Variants in CFTR observed in about 807,000 individuals in gnomAD.
CFTR encodes the protein CF transmembrane conductance regulator, also known as cystic fibrosis transmembrane conductance regulator.
In CFTR, 181 loss-of-function variants were observed where a neutral mutation model predicts 171.6. That is an observed-to-expected ratio of 1.05 (90% confidence interval 0.93 to 1.19). The LOEUF is 1.19. Among genes scored for constraint, CFTR ranks in the 50% most tolerant of loss-of-function variants. CFTR has a pLI of 0.00. For synonymous variants in CFTR, 583 were observed against 608.0 expected, an observed-to-expected ratio of 0.96 and a Z score of 0.60; for missense variants, 1,968 against 1,734.7, an observed-to-expected ratio of 1.13 and a Z score of -2.39.
chr7:117,534,263 ATTTTTC>A lies in CFTR; in HGVS notation c.490-8_490-3del. 7.4e-7 allele frequency: 1 copy of A among 1,348,060 alleles called. No homozygotes were observed. Among genetic ancestry groups the A allele is most frequent in the Admixed American group, 1.7e-5 (1 of 59,454 alleles). 83.5% of individuals were successfully genotyped at this position (1,348,060 alleles called of 1,614,324 possible). On this transcript the variant is annotated splice_region_variant and splice_polypyrimidine_tract_variant and intron_variant, in intron 4 of 26. Coordinates refer to ENST00000003084, the MANE Select transcript of CFTR (RefSeq NM_000492.4). ...GTTTGTTGAAATTATCTAACTTTCC[ATTTTTC>A]TTTTAGACTTTAAAGCTGTCAAGCC...
chr7:117,525,868 T>C, intron 3 of CFTR, among the ~76,000 whole-genome samples: 1 of 150,282 alleles, frequency 6.7e-6, no homozygotes. Context: ...AATTGGAGCA[T>C]TTAGTCCATT....
rs200204024 is a variant in CFTR, at chr7:117,592,117, C to A, written c.1950C>A (p.Phe650Leu). 14 of 1,613,968 alleles carry A rather than the reference C, an allele frequency of 8.7e-6. No individual in the cohort carries two copies. In the East Asian group the frequency reaches 3.1e-4, roughly 36 times the overall value. The part of the protein sequence containing the change: ...FSSKLMGCDS[F>L]DQFSAERRNS... Reference sequence around the variant, plus strand: ...CAAAACTCATGGGATGTGATTCTTTCGACCAATTTAGTGCAGAAAGAAGAA... The same window carrying A: ...CAAAACTCATGGGATGTGATTCTTTAGACCAATTTAGTGCAGAAAGAAGAA... The change falls in exon 14 of 27, where the codon TTC (phenylalanine) becomes TTA (leucine). Residue 650 changes from phenylalanine (F) to leucine (L), a missense_variant. Transcript: ENST00000003084.
chr7:117,629,837 C>A (rs1361884203), intron 22 of CFTR, among the ~76,000 whole-genome samples: 1 of 152,168 alleles, frequency 6.6e-6, no homozygotes, highest in East Asian at 1.9e-4. Flanking sequence ...ACTGTTTAAA[C>A]ACTTTTATTT....
chr7:117,603,537 C>A lies in CFTR; in HGVS notation c.2663C>A (p.Pro888His), dbSNP rs747674073. 1.9e-6 allele frequency: 3 copies of A among 1,613,894 alleles called. No homozygotes were observed. Among genetic ancestry groups the A allele is most frequent in the Non-Finnish European group, 2.5e-6 (3 of 1,179,878 alleles). Reference sequence around the variant, plus strand: ...ATTTCCTATTTGCTTTACAGCACTCCTCTTCAAGACAAAGGGAATAGTACT... The same window carrying A: ...ATTTCCTATTTGCTTTACAGCACTCATCTTCAAGACAAAGGGAATAGTACT... ...LVVLWLLGNT[P>H]LQDKGNSTHS... Residue 888 changes from proline to histidine, a missense_variant, in exon 17 of 27, where the codon CCT becomes CAT. Transcript: ENST00000003084.
In CFTR at chr7:117,602,822, C is replaced by T; in HGVS notation, c.2620-4C>T. 1 of 1,613,654 alleles carries T rather than the reference C, an allele frequency of 6.2e-7. No individual in the cohort carries two copies. The highest frequency in any genetic ancestry group is 1.1e-5 in the South Asian group (1 of 91,080). On this transcript the variant is annotated splice_region_variant and splice_polypyrimidine_tract_variant and intron_variant, in intron 15 of 26. Coordinates refer to ENST00000003084, the MANE Select transcript of CFTR (RefSeq NM_000492.4). ...AAAATCAACTGTGTCTTGTTCCATT[C>T]CAGGTGGCTGCTTCTTTGGTTGTGC...
chr7:117,658,729 A>T (rs1793219747), intron 24 of CFTR, among the ~76,000 whole-genome samples: 1 of 152,150 alleles, frequency 6.6e-6, no homozygotes, highest in African/African-American at 2.4e-5. Flanking sequence ...CACATGTCAC[A>T]TCCTGTCAAT....
chr7:117,598,139 T>G (rs944851899), intron 15 of CFTR, among the ~76,000 whole-genome samples: 3 of 152,204 alleles, frequency 2.0e-5, no homozygotes, highest in African/African-American at 4.8e-5. Flanking sequence ...CAGCTTTTTT[T>G]GGGTAATTAT....
intron 2 of CFTR, among the ~76,000 whole-genome samples, chr7:117,505,190 T>C (rs1047628625): frequency 6.6e-6 from 1 of 152,300 alleles, no homozygotes; most frequent in Non-Finnish European, 1.5e-5. Context: ...TAATATACTT[T>C]GCCAGTTAAT....
intron 15 of CFTR, among the ~76,000 whole-genome samples, chr7:117,598,422 A>G (rs213978): frequency 8.5e-5 from 13 of 152,186 alleles, no homozygotes; most frequent in Non-Finnish European, 1.5e-4. Context: ...ACTTACAACT[A>G]TACATTTTTC....
intron 11 of CFTR, among the ~76,000 whole-genome samples, chr7:117,560,981 A>G (rs910839637): frequency 6.6e-6 from 1 of 152,052 alleles, no homozygotes; most frequent in African/African-American, 2.4e-5. Context: ...TGCGTTAAGT[A>G]TGTGTTTTCC....
chr7:117,594,430 C>T (rs1011251793), intron 14 of CFTR, among the ~76,000 whole-genome samples: 1 of 152,170 alleles, frequency 6.6e-6, no homozygotes, highest in African/African-American at 2.4e-5. Context: ...ATTTAAATCA[C>T]AGCTGGAAAG....
At chr7:117,502,232 G>A (rs1033785848) in intron 1 of CFTR, among the ~76,000 whole-genome samples, 1 of 152,162 alleles carries the variant, frequency 6.6e-6, no homozygotes, top group Non-Finnish European at 1.5e-5. Context: ...GTTGAACATG[G>A]TAAAAGAATG....
At chr7:117,574,875 C>T (rs1307375883) in intron 11 of CFTR, among the ~76,000 whole-genome samples, 1 of 151,946 alleles carries the variant, frequency 6.6e-6, no homozygotes. Flanking sequence ...CTTTAATTTG[C>T]CTTCTTGGCT....
intron 11 of CFTR, among the ~76,000 whole-genome samples, chr7:117,562,072 T>C (rs1791511770): frequency 1.3e-5 from 2 of 152,156 alleles, no homozygotes; most frequent in Admixed American, 6.5e-5. Context: ...GTACATGTAA[T>C]GTACCTAACA....
chr7:117,496,413 A>G (rs1562880515), intron 1 of CFTR, among the ~76,000 whole-genome samples: 1 of 152,122 alleles, frequency 6.6e-6, no homozygotes. Context: ...TATGTTGTCT[A>G]GGCTGCTCTC....
At chr7:117,523,964 C>G (rs945284316) in intron 3 of CFTR, among the ~76,000 whole-genome samples, 4 of 152,052 alleles carry the variant, frequency 2.6e-5, no homozygotes, top group Admixed American at 6.5e-5. Flanking sequence ...TTCTCAGAAG[C>G]TTCTTTTTAG....
In CFTR at chr7:117,664,801, T is replaced by C. The variant is rs1449323479; in HGVS notation, c.4077T>C (p.Ser1359=). 1 of 1,614,072 alleles carries C rather than the reference T, an allele frequency of 6.2e-7. No individual in the cohort carries two copies. Among genetic ancestry groups the C allele is most frequent in the Admixed American group, 1.7e-5 (1 of 60,020 alleles). ...AGCAGTTGATGTGCTTGGCTAGATC[T>C]GTTCTCAGTAAGGCGAAGATCTTGC... ...GHKQLMCLAR[S]VLSKAKILLL... Residue 1359 remains serine (S), a synonymous_variant, in exon 25 of 27, where the codon TCT becomes TCC. Transcript: ENST00000003084.
rs1462418106 is a variant in CFTR, at chr7:117,590,472, C to T, written c.1766+33C>T. 6.3e-7 allele frequency: 1 copy of T among 1,584,524 alleles called. No homozygotes were observed. The highest frequency in any genetic ancestry group is 1.3e-5 in the African/African-American group (1 of 74,210). On this transcript the variant is annotated intron_variant, in intron 13 of 26. Transcript: ENST00000003084. ...CTTTGAATACCTTACTTATAATGCT[C>T]ATGCTAAAATAAAAGAAAGACAGAC...
In CFTR at chr7:117,535,281, C is replaced by A. The variant is rs121908803; in HGVS notation, c.613C>A (p.Pro205Thr). 1 of 1,613,542 alleles carries A rather than the reference C, an allele frequency of 6.2e-7. No homozygotes were observed. The highest frequency in any genetic ancestry group is 8.5e-7 in the Non-Finnish European group (1 of 1,179,828). The stretch of plus-strand genomic sequence containing the variant: ...ATTGGCACATTTCGTGTGGATCGCT[C>A]CTTTGCAAGTGGCACTCCTCATGGG... ...LALAHFVWIA[P>T]LQVALLMGLI... Residue 205 changes from proline to threonine, a missense_variant, in exon 6 of 27, where the codon CCT becomes ACT. Pro to Thr is a conservative substitution (Grantham distance 38). Coordinates refer to ENST00000003084, the MANE Select transcript of CFTR (RefSeq NM_000492.4).
Sources: gnomAD v4.1 joint callset for allele counts (sites outside exome capture counted in the v4.1 genomes callset) on GRCh38, gnomAD v4.1.1 for gene constraint, MANE v1.5 for transcripts, NCBI Gene and HGNC (gene_info 2026-07-23, HGNC 2026-07-21) for gene names.